TAFA1: variants seen among roughly 807,000 people sequenced by gnomAD.
The protein encoded by TAFA1 is chemokine-like protein TAFA-1.
Under a neutral mutation model 18.5 loss-of-function variants are expected in TAFA1, and 4 were observed. The observed-to-expected ratio is 0.22, with a 90% CI of 0.11 to 0.49. TAFA1 has a LOEUF of 0.49. Among genes scored for constraint, TAFA1 ranks in the 20% least tolerant of loss-of-function variants. The pLI, the probability that TAFA1 is intolerant of heterozygous loss-of-function variation, is 0.98. For missense variants in TAFA1, 147 were observed against 169.0 expected (o/e 0.87, Z 0.72); for synonymous variants, 56 against 55.2 (o/e 1.01, Z -0.06).
intron 2 of TAFA1, among the ~76,000 whole-genome samples, chr3:68,187,805 C>A (rs1462859875): frequency 6.6e-6 from 1 of 151,954 alleles, no homozygotes. Context: ...TCTTTTTGGT[C>A]TTAAATTCTT....
intron 2 of TAFA1, among the ~76,000 whole-genome samples, chr3:68,144,271 T>C (rs1208198364): frequency 6.6e-6 from 1 of 152,222 alleles, no homozygotes; most frequent in African/African-American, 2.4e-5. Context: ...CATGTTGGGC[T>C]GGCCAACTGA....
At chr3:68,068,404 T>A (rs932345014) in intron 2 of TAFA1, among the ~76,000 whole-genome samples, 1 of 152,174 alleles carries the variant, frequency 6.6e-6, no homozygotes, top group Non-Finnish European at 1.5e-5. Flanking sequence ...TTTCTCTTGT[T>A]TATATTAGCT....
At position 68,301,380 on chromosome 3, in the gene TAFA1, G is replaced by A. The variant is rs535118625; in HGVS notation, c.119-115900G>A. Among the ~76,000 whole-genome samples, 355 of 152,234 alleles carry A rather than the reference G, an allele frequency of 2.3e-3. 1 individual carries two copies. Among genetic ancestry groups the A allele is most frequent in the African/African-American group, 8.2e-3 (340 of 41,536 alleles). On this transcript the variant is annotated intron_variant, in intron 2 of 4. Transcript: ENST00000478136. ...GAGCTTCCTAATTCTTTTTATAGGT[G>A]CATAGTATCCTGTTATATAAACCCT...
chr3:68,188,655 A>G (rs2066301062), intron 2 of TAFA1, among the ~76,000 whole-genome samples: 2 of 151,788 alleles, frequency 1.3e-5, no homozygotes, highest in South Asian at 4.1e-4. Context: ...TTTGCAGTTC[A>G]GTCTTTGTGT....
chr3:68,151,111 C>T (rs964311399), intron 2 of TAFA1, among the ~76,000 whole-genome samples: 1 of 152,052 alleles, frequency 6.6e-6, no homozygotes, highest in African/African-American at 2.4e-5. Context: ...GCCACATAGA[C>T]TTATACCTCA....
chr3:68,156,733 T>A (rs933226420), intron 2 of TAFA1, among the ~76,000 whole-genome samples: 2 of 151,454 alleles, frequency 1.3e-5, no homozygotes, highest in African/African-American at 4.8e-5. Context: ...CTTTATAATA[T>A]TAATAATAAC....
At chr3:68,068,941 G>A (rs1204318012) in intron 2 of TAFA1, among the ~76,000 whole-genome samples, 1 of 152,146 alleles carries the variant, frequency 6.6e-6, no homozygotes, top group Non-Finnish European at 1.5e-5. Context: ...TAATACAAAG[G>A]TTGTCAGTAA....
At chr3:68,468,267 G>GT (rs1306507369) in intron 3 of TAFA1, among the ~76,000 whole-genome samples, 1 of 152,046 alleles carries the variant, frequency 6.6e-6, no homozygotes, top group African/African-American at 2.4e-5. Context: ...ATATTAGAAG[G>GT]TAAAAAAAAT....
chr3:68,443,218 C>T (rs2071416201), intron 3 of TAFA1, among the ~76,000 whole-genome samples: 1 of 152,076 alleles, frequency 6.6e-6, no homozygotes, highest in African/African-American at 2.4e-5. Context: ...ACAGCCTCTT[C>T]CTGGTAACAT....
At chr3:68,395,569 A>C (rs2070362798) in intron 2 of TAFA1, among the ~76,000 whole-genome samples, 1 of 152,246 alleles carries the variant, frequency 6.6e-6, no homozygotes, top group Non-Finnish European at 1.5e-5. Context: ...ATGTCCATCA[A>C]TGATAGACAG....
chr3:68,439,960 A>G (rs368249936), intron 3 of TAFA1, among the ~76,000 whole-genome samples: 2 of 152,152 alleles, frequency 1.3e-5, no homozygotes, highest in African/African-American at 4.8e-5. Context: ...CTGGAACTGC[A>G]CCAATCCCCA....
At chr3:68,245,534 A>G (rs1266676324) in intron 2 of TAFA1, among the ~76,000 whole-genome samples, 3 of 152,246 alleles carry the variant, frequency 2.0e-5, no homozygotes, top group African/African-American at 7.2e-5. Flanking sequence ...TACTAAGACA[A>G]AGTGAACAAG....
intron 2 of TAFA1, among the ~76,000 whole-genome samples, chr3:68,312,754 C>T (rs1267484178): frequency 6.6e-6 from 1 of 151,296 alleles, no homozygotes; most frequent in African/African-American, 2.5e-5. Flanking sequence ...TGCCTGTTAC[C>T]CAGTTTGAAA....
intron 2 of TAFA1, among the ~76,000 whole-genome samples, chr3:68,151,570 G>C (rs939302452): frequency 3.9e-5 from 6 of 152,076 alleles, no homozygotes; most frequent in African/African-American, 1.4e-4. Flanking sequence ...CATGGTGGAA[G>C]GTGGAAGGGC....
intron 3 of TAFA1, among the ~76,000 whole-genome samples, chr3:68,486,020 T>C (rs1039590457): frequency 1.3e-5 from 2 of 152,138 alleles, no homozygotes; most frequent in Non-Finnish European, 1.5e-5. Context: ...TTCGACCTCC[T>C]GGGCTCAAGC....
intron 2 of TAFA1, among the ~76,000 whole-genome samples, chr3:68,213,424 A>T (rs570006506): frequency 6.6e-6 from 1 of 152,188 alleles, no homozygotes; most frequent in East Asian, 1.9e-4. Flanking sequence ...AAATCTCAAA[A>T]GAGAGCTCAT....
At chr3:68,234,066 A>T (rs1450150786) in intron 2 of TAFA1, among the ~76,000 whole-genome samples, 4 of 152,168 alleles carry the variant, frequency 2.6e-5, no homozygotes, top group African/African-American at 7.2e-5. Context: ...ATATCACCGT[A>T]CCTCCACAAA....
intron 2 of TAFA1, among the ~76,000 whole-genome samples, chr3:68,032,529 C>T (rs992575357): frequency 6.6e-5 from 10 of 152,166 alleles, no homozygotes; most frequent in African/African-American, 2.2e-4. Flanking sequence ...AAAAGAATTA[C>T]ATCCTAGAAC....
At chr3:68,221,335 G>C (rs2066727391) in intron 2 of TAFA1, among the ~76,000 whole-genome samples, 1 of 152,074 alleles carries the variant, frequency 6.6e-6, no homozygotes, top group Non-Finnish European at 1.5e-5. Context: ...AAAAGGGGGG[G>C]ATGGGTTTGC....
Sources: allele counts gnomAD v4.1 joint callset (sites outside exome capture counted in the v4.1 genomes callset), GRCh38; gene constraint gnomAD v4.1.1; transcripts MANE v1.5; gene names NCBI Gene and HGNC (gene_info 2026-07-23, HGNC 2026-07-21).